The following WNT10A variants were observed in gnomAD, a reference collection of about 807,000 sequenced individuals.
WNT10A encodes Wnt family member 10A, also known as protein Wnt-10a.
In WNT10A, 37 loss-of-function variants were observed where a neutral mutation model predicts 36.1. The observed-to-expected ratio is 1.02, with a 90% CI of 0.79 to 1.35. The LOEUF (loss-of-function observed/expected upper bound fraction) is 1.35. Among genes scored for constraint, WNT10A ranks in the 40% most tolerant of loss-of-function variants. The pLI, the probability that WNT10A is intolerant of heterozygous loss-of-function variation, is 0.00. For synonymous variants in WNT10A, 255 were observed against 254.1 expected, an observed-to-expected ratio of 1.00 and a Z score of -0.03; for missense variants, 613 against 601.4, an observed-to-expected ratio of 1.02 and a Z score of -0.20.
In WNT10A at chr2:218,881,047, C is replaced by A. The variant is rs749946704; in HGVS notation, c.52C>A (p.Pro18Thr). 2 of 1,603,590 alleles carry A rather than the reference C, an allele frequency of 1.2e-6. No individual in the cohort carries two copies. Among genetic ancestry groups the A allele is most frequent in the Non-Finnish European group, 8.5e-7 (1 of 1,175,450 alleles). Residue 18 changes from proline (P) to threonine (T), a missense_variant, in exon 1 of 4, where the codon CCG becomes ACG. Physicochemically the swap from Pro to Thr is conservative, Grantham distance 38. Coordinates refer to ENST00000258411, the MANE Select transcript of WNT10A (RefSeq NM_025216.3). The stretch of plus-strand genomic sequence containing the variant: ...GCTGCGGCTCCGACCCCAGCCCCAG[C>A]CGCGGCCAGCGCTCTGGGTGCTCCT... The part of the protein sequence containing the change: ...PWLRLRPQPQ[P>T]RPALWVLLFF...
In WNT10A at chr2:218,890,040, G is replaced by T. The variant is rs543063101; in HGVS notation, c.433G>T (p.Val145Leu). 20 of 1,613,822 alleles carry T rather than the reference G, an allele frequency of 1.2e-5. No homozygotes were observed. The highest frequency in any genetic ancestry group is 1.7e-6 in the Non-Finnish European group (2 of 1,180,048). The change falls in exon 3 of 4, where the codon GTG (valine) becomes TTG (leucine). Residue 145 changes from valine (V) to leucine (L), a missense_variant. Coordinates refer to ENST00000258411, the MANE Select transcript of WNT10A (RefSeq NM_025216.3). ...AIAAAGVVHA[V>L]SNACALGKLK... ...CGCAGCAGCTGGCGTGGTGCACGCC[G>T]TGTCCAATGCGTGTGCCCTGGGCAA...
upstream of WNT10A, chr2:218,880,744 C>T (rs1944501013): frequency 2.2e-6 from 1 of 452,798 alleles, no homozygotes. This position sits in a 1 kb window ranked among gnomAD's most constrained non-coding sequence, Gnocchi z 7.7. Flanking sequence ...CGGGAAATTC[C>T]CCGGACCCCT....
upstream of WNT10A, among the ~76,000 whole-genome samples, chr2:218,877,214 T>C (rs563315549): frequency 1.3e-5 from 2 of 152,374 alleles, no homozygotes; most frequent in South Asian, 4.1e-4. This position sits in a 1 kb window ranked among gnomAD's most constrained non-coding sequence, Gnocchi z 4.1. Context: ...TCAGTTAACC[T>C]ATCTGAGCAC....
rs765128645 is a variant in WNT10A at position 218,890,185 on chromosome 2, C to G, written c.578C>G (p.Pro193Arg). 1 of 1,614,044 alleles carries G rather than the reference C, an allele frequency of 6.2e-7. No homozygotes were observed. The highest frequency in any genetic ancestry group is 2.2e-5 in the East Asian group (1 of 44,866). The change falls in exon 3 of 4, where the codon CCG becomes CGG. Residue 193 changes from proline (P) to arginine (R), a missense_variant. Pro to Arg is a moderately radical substitution (Grantham distance 103, BLOSUM62 -2). Transcript: ENST00000258411. ...GGTAAGGGCCTGAGCCATGGGGTCC[C>G]GGAACACCCAGCCCTGCCCACAGCC... ...QRGKGLSHGVPEHPALPTASP... is the reference protein window; with the variant it reads ...QRGKGLSHGVREHPALPTASP...
At chr2:218,892,750 C>A (rs1251660545) in intron 3 of WNT10A, 24 bp from the exon 4 acceptor site, 2 of 1,568,254 alleles carry the variant, frequency 1.3e-6, no homozygotes, top group Admixed American at 3.7e-5. Flanking sequence ...GCCGTGTCAC[C>A]CCTCACGGTG....
At chr2:218,875,159 C>CTTTTTTTTTTTTTTTTTTTTTTTT in the WNT10A span, among the ~76,000 whole-genome samples, 1 of 36,864 alleles carries the variant, frequency 2.7e-5, no homozygotes, top group Non-Finnish European at 6.1e-5. Context: ...GACTGACTTT[C>CTTTTTTTTTTTTTTTTTTTTTTTT]TTTTTTTTTT....
intron 1 of WNT10A, among the ~76,000 whole-genome samples, chr2:218,881,648 G>A (rs1944517406): frequency 6.6e-6 from 1 of 152,166 alleles, no homozygotes; most frequent in Non-Finnish European, 1.5e-5. Flanking sequence ...GCATGTGAGA[G>A]CTCATGGGTC....
At chr2:218,889,717 T>G (rs567610513) in intron 2 of WNT10A, among the ~76,000 whole-genome samples, 1 of 152,282 alleles carries the variant, frequency 6.6e-6, no homozygotes, top group Admixed American at 6.5e-5. Flanking sequence ...AAATTCTGAG[T>G]TTGCTAAAGG....
intron 3 of WNT10A, among the ~76,000 whole-genome samples, chr2:218,891,113 T>C (rs1385066535): frequency 1.3e-5 from 2 of 152,206 alleles, no homozygotes; most frequent in East Asian, 1.9e-4. Context: ...GGCACTGTTA[T>C]TAACCTTATG....
rs776250289 is a variant in WNT10A at position 218,890,410 on chromosome 2, C to T, written c.756+47C>T. Reference sequence around the variant, plus strand: ...CTGCTTCAAATCTCTTTGCCTAGGGCCTACCCCTTGCCCTGGCCTACCTCT... The same window carrying T: ...CTGCTTCAAATCTCTTTGCCTAGGGTCTACCCCTTGCCCTGGCCTACCTCT... On this transcript the variant is annotated intron_variant, in intron 3 of 3. Transcript: ENST00000258411. 1.4e-5 allele frequency: 23 copies of T among 1,598,190 alleles called. 1 individual carries two copies. The East Asian group carries it at 3.6e-4, about 25-fold the overall frequency.
chr2:218,879,670 CTG>C (rs1276041396), upstream of WNT10A, among the ~76,000 whole-genome samples: 1 of 152,212 alleles, frequency 6.6e-6, no homozygotes, highest in Non-Finnish European at 1.5e-5. Flanking sequence ...CAGGACAAGA[CTG>C]AGAGTATCTG....
rs760361678 is a variant in WNT10A, at chr2:218,890,393, A to G, written c.756+30A>G. Reference sequence around the variant, plus strand: ...GAGCCCCACCCCTGGGTCTGCTTCAAATCTCTTTGCCTAGGGCCTACCCCT... The same window carrying G: ...GAGCCCCACCCCTGGGTCTGCTTCAGATCTCTTTGCCTAGGGCCTACCCCT... On this transcript the variant is annotated intron_variant, in intron 3 of 3. Coordinates refer to ENST00000258411, the MANE Select transcript of WNT10A (RefSeq NM_025216.3). 1.1e-5 allele frequency: 17 copies of G among 1,598,894 alleles called. No individual in the cohort carries two copies. In the South Asian group the frequency reaches 1.4e-4, roughly 13 times the overall value.
intron 2 of WNT10A, among the ~76,000 whole-genome samples, chr2:218,885,624 G>T (rs1326835797): frequency 6.6e-6 from 1 of 152,242 alleles, no homozygotes; most frequent in Non-Finnish European, 1.5e-5. Context: ...TAGATGGAAA[G>T]AGAGGGCATG....
In WNT10A at chr2:218,890,264, CTTCGGGGAGCGCTT is replaced by C; in HGVS notation, c.661_674del (p.Gly221Ter). On this transcript the variant is annotated frameshift_variant, in exon 3 of 4. Coordinates refer to ENST00000258411, the MANE Select transcript of WNT10A (RefSeq NM_025216.3). LOFTEE classifies it high-confidence loss of function. ...GGGGCGGCTGCAGCCCCGACATGGG[CTTCGGGGAGCGCTT>C]TTCTAAGGACTTTCTGGACTCCCGG... 6.2e-7 allele frequency: 1 copy of C among 1,612,290 alleles called. No homozygotes were observed. Among genetic ancestry groups the C allele is most frequent in the Non-Finnish European group, 8.5e-7 (1 of 1,179,938 alleles).
chr2:218,880,705 A>G (rs1374408602), upstream of WNT10A: 4 of 365,634 alleles, frequency 1.1e-5, no homozygotes, highest in Non-Finnish European at 2.0e-5. The surrounding 1 kb of genome is among the most constrained non-coding windows in gnomAD (Gnocchi z 7.7). Flanking sequence ...TACCCTTGAG[A>G]GGCACCGGGA....
upstream of WNT10A, chr2:218,880,562 C>G (rs1337802787): frequency 5.4e-6 from 1 of 186,306 alleles, no homozygotes; most frequent in Non-Finnish European, 1.1e-5. The surrounding 1 kb of genome is among the most constrained non-coding windows in gnomAD (Gnocchi z 7.7). Context: ...GCAGTGGGGC[C>G]CGACACAGAC....
At position 218,893,444 on chromosome 2, in the gene WNT10A, G is replaced by A; in HGVS notation, c.*173G>A. 1.1e-6 allele frequency: 1 copy of A among 943,336 alleles called. No individual in the cohort carries two copies. Among genetic ancestry groups the A allele is most frequent in the Non-Finnish European group, 1.5e-6 (1 of 659,606 alleles). The allele number at this position is 943,336 out of a possible 1,614,324, so 58.4% of individuals were successfully genotyped here. On this transcript the variant is annotated 3_prime_UTR_variant, in exon 4 of 4. Transcript: ENST00000258411. This position sits in a 1 kb window ranked among gnomAD's most constrained non-coding sequence, Gnocchi z 6.3. ...GGTCTGTGATCGCCGGACAGTCCAG[G>A]CCTGTCTGAACCCCACCACTCACTT...
chr2:218,890,704 G>A (rs1241052486), intron 3 of WNT10A, among the ~76,000 whole-genome samples: 1 of 152,110 alleles, frequency 6.6e-6, no homozygotes, highest in East Asian at 1.9e-4. Flanking sequence ...GCTCCCATCT[G>A]ACTCCTCCCC....
chr2:218,877,984 C>T (rs962520943), upstream of WNT10A, among the ~76,000 whole-genome samples: 35 of 152,172 alleles, frequency 2.3e-4, no homozygotes, highest in African/African-American at 7.0e-4. The surrounding 1 kb of genome is among the most constrained non-coding windows in gnomAD (Gnocchi z 4.1). Context: ...CTTCCCCGGC[C>T]CTTCCTCCCT....
Sources: allele counts gnomAD v4.1 joint callset (sites outside exome capture counted in the v4.1 genomes callset), GRCh38; gene constraint gnomAD v4.1.1; non-coding constraint Gnocchi (gnomAD v3.1); transcripts MANE v1.5; gene names NCBI Gene and HGNC (gene_info 2026-07-23, HGNC 2026-07-21).